Variants in KIF18A observed in about 807,000 individuals in gnomAD.
KIF18A encodes kinesin-like protein KIF18A.
KIF18A carries 67 observed loss-of-function variants against 103.3 expected under a neutral mutation model. That is an observed-to-expected ratio of 0.65 (90% confidence interval 0.53 to 0.79). The LOEUF is 0.79. Among genes scored for constraint, KIF18A ranks in the 30% least tolerant of loss-of-function variants. The pLI is 0.00. For synonymous variants in KIF18A, 367 were observed against 355.5 expected, an observed-to-expected ratio of 1.03 and a Z score of -0.36; for missense variants, 1,032 against 1,062.5, an observed-to-expected ratio of 0.97 and a Z score of 0.40.
chr11:28,067,450 T>C (rs914608488), intron 11 of KIF18A, among the ~76,000 whole-genome samples: 7 of 152,112 alleles, frequency 4.6e-5, no homozygotes, highest in African/African-American at 1.7e-4. Flanking sequence ...CTGCTAGTCT[T>C]TTCTCTCCAG....
At position 28,027,510 on chromosome 11, in the gene KIF18A, TTCTC is replaced by T. The variant is rs1316081587; in HGVS notation, c.2505-3664_2505-3661del. Among the ~76,000 whole-genome samples the T allele has an allele frequency of 3.3e-5, 5 of 151,992 alleles. No individual in the cohort carries two copies. The South Asian group carries it at 8.3e-4, about 25-fold the overall frequency. Reference sequence around the variant, plus strand: ...CTCAAATATTACTTTTCCCTATTCTTTCTCTCACTCCCTTCTGAGACACAAAATA... The same window carrying T: ...CTCAAATATTACTTTTCCCTATTCTTTCACTCCCTTCTGAGACACAAAATA... On this transcript the variant is annotated intron_variant, in intron 15 of 16. Coordinates refer to ENST00000263181, the MANE Select transcript of KIF18A (RefSeq NM_031217.4).
intron 13 of KIF18A, among the ~76,000 whole-genome samples, chr11:28,042,149 T>C (rs536081443): frequency 2.6e-5 from 4 of 151,700 alleles, no homozygotes; most frequent in Non-Finnish European, 5.9e-5. Flanking sequence ...AGTGTTATTA[T>C]TATGCTGAGG....
chr11:28,070,457 C>G (rs1850998497), intron 10 of KIF18A, among the ~76,000 whole-genome samples: 2 of 152,250 alleles, frequency 1.3e-5, no homozygotes, highest in South Asian at 4.1e-4. Flanking sequence ...TTACCTTCCC[C>G]TCAAGGGAAA....
chr11:28,024,289 G>T (rs946237764), intron 15 of KIF18A, among the ~76,000 whole-genome samples: 4 of 150,570 alleles, frequency 2.7e-5, no homozygotes, highest in African/African-American at 4.9e-5. Flanking sequence ...GAAAAACCTT[G>T]TTTTAAAATG....
Position 28,069,254 on chromosome 11 carries a change from T to C in KIF18A, c.1590+5A>G, listed in dbSNP as rs1422670402. On this transcript the variant is annotated splice_donor_5th_base_variant and intron_variant, in intron 11 of 16. Coordinates refer to ENST00000263181, the MANE Select transcript of KIF18A (RefSeq NM_031217.4). ...TTAAATCTGAACATACAGAGATATTTGTACCTTTGGAATATGACCGTTTTG... is the reference window on the plus strand; with the variant it reads ...TTAAATCTGAACATACAGAGATATTCGTACCTTTGGAATATGACCGTTTTG... The C allele has an allele frequency of 1.2e-6, 2 of 1,609,008 alleles. No individual in the cohort carries two copies. The highest frequency in any genetic ancestry group is 1.7e-6 in the Non-Finnish European group (2 of 1,175,742).
chr11:28,024,797 C>T (rs1205138021), intron 15 of KIF18A, among the ~76,000 whole-genome samples: 3 of 151,764 alleles, frequency 2.0e-5, no homozygotes, highest in South Asian at 2.1e-4. Flanking sequence ...CATCCTTCCA[C>T]GCTGATTCAA....
intron 11 of KIF18A, among the ~76,000 whole-genome samples, chr11:28,067,299 A>C (rs2133536084): frequency 6.6e-6 from 1 of 152,244 alleles, no homozygotes; most frequent in East Asian, 1.9e-4. Flanking sequence ...GCTTTTATCA[A>C]GATATTTTGA....
intron 1 of KIF18A, among the ~76,000 whole-genome samples, chr11:28,101,915 C>T (rs1851450540): frequency 6.6e-6 from 1 of 152,090 alleles, no homozygotes; most frequent in Non-Finnish European, 1.5e-5. Flanking sequence ...GGGAGTCACG[C>T]CCTATAAATC....
chr11:28,052,861 T>C (rs952528169), intron 13 of KIF18A, among the ~76,000 whole-genome samples: 1 of 152,050 alleles, frequency 6.6e-6, no homozygotes, highest in African/African-American at 2.4e-5. Context: ...TAACGATTGT[T>C]ACTAAAGATG....
chr11:28,056,024 C>A (rs904122796), intron 13 of KIF18A, among the ~76,000 whole-genome samples: 4 of 152,010 alleles, frequency 2.6e-5, no homozygotes, highest in African/African-American at 4.8e-5. Context: ...ACAATCCTCC[C>A]ATATGCTTTA....
intron 13 of KIF18A, among the ~76,000 whole-genome samples, chr11:28,054,161 A>G (rs1433230036): frequency 6.6e-6 from 1 of 152,134 alleles, no homozygotes; most frequent in Non-Finnish European, 1.5e-5. Context: ...TTATTAAACA[A>G]CCCAAATGCC....
chr11:28,036,861 A>G (rs945308556), intron 13 of KIF18A, among the ~76,000 whole-genome samples, 197 bp from the exon 14 acceptor site: 1 of 151,522 alleles, frequency 6.6e-6, no homozygotes, highest in Non-Finnish European at 1.5e-5. Flanking sequence ...CTCATTATAA[A>G]GAAATTCTAT....
At chr11:28,034,021 C>T (rs896510881) in intron 15 of KIF18A, among the ~76,000 whole-genome samples, 2 of 151,658 alleles carry the variant, frequency 1.3e-5, no homozygotes, top group African/African-American at 4.8e-5. Context: ...ATCCATCTTT[C>T]AGTTCACTAA....
chr11:28,038,747 C>A (rs773658394), intron 13 of KIF18A, among the ~76,000 whole-genome samples: 17 of 151,548 alleles, frequency 1.1e-4, no homozygotes, highest in Admixed American at 2.0e-4. Context: ...AAAATATGAT[C>A]CCTGTTCTAC....
At chr11:28,054,208 T>C (rs1000200234) in intron 13 of KIF18A, among the ~76,000 whole-genome samples, 2 of 151,810 alleles carry the variant, frequency 1.3e-5, no homozygotes, top group South Asian at 2.1e-4. Flanking sequence ...GTTAATCTCA[T>C]CAGATTTTTT....
intron 13 of KIF18A, among the ~76,000 whole-genome samples, chr11:28,045,869 A>G (rs888589748): frequency 4.3e-4 from 66 of 152,110 alleles, no homozygotes; most frequent in African/African-American, 1.5e-3. Flanking sequence ...CAACCCCATC[A>G]AAAAGTGGGT....
intron 15 of KIF18A, among the ~76,000 whole-genome samples, chr11:28,032,418 T>G (rs1850423090): frequency 2.6e-5 from 4 of 152,028 alleles, no homozygotes; most frequent in Admixed American, 1.3e-4. Context: ...AAAGCTATCC[T>G]GAGCAAAAAG....
intron 13 of KIF18A, chr11:28,056,928 T>G: frequency 2.5e-6 from 1 of 395,698 alleles, no homozygotes; most frequent in South Asian, 1.8e-5. Context: ...GAGGGGCTAA[T>G]AAACACCAGA....
At chr11:28,026,015 CCAAA>C (rs1348279726) in intron 15 of KIF18A, among the ~76,000 whole-genome samples, 2 of 151,638 alleles carry the variant, frequency 1.3e-5, no homozygotes, top group African/African-American at 2.4e-5. Flanking sequence ...AACCAATCAA[CCAAA>C]CAAATACAAA....
Sources: gnomAD v4.1 joint callset for allele counts (sites outside exome capture counted in the v4.1 genomes callset) on GRCh38, gnomAD v4.1.1 for gene constraint, MANE v1.5 for transcripts, NCBI Gene and HGNC (gene_info 2026-07-23, HGNC 2026-07-21) for gene names.